FBXL3: variants seen among roughly 807,000 people sequenced by gnomAD.
The protein encoded by FBXL3 is F-box and leucine rich repeat protein 3, also known as F-box/LRR-repeat protein 3.
In FBXL3, 14 loss-of-function variants were observed where a neutral mutation model predicts 37.9. The ratio of observed to expected loss-of-function variants is 0.37; its 90% confidence interval spans 0.24 to 0.58. The LOEUF is 0.58. Among genes scored for constraint, FBXL3 ranks in the 20% least tolerant of loss-of-function variants. The pLI, the probability that FBXL3 is intolerant of heterozygous loss-of-function variation, is 0.74. For missense variants in FBXL3, 327 were observed against 511.1 expected, an observed-to-expected ratio of 0.64 and a Z score of 3.47; for synonymous variants, 194 against 180.1, an observed-to-expected ratio of 1.08 and a Z score of -0.62.
Position 77,018,688 on chromosome 13 carries a change from C to G in FBXL3, c.383G>C (p.Cys128Ser). ...DSSKESAEAA[C>S]DILSQLVNCS... ...ATTCACAAGTTGCGATAGTATATCA[C>G]AAGCTGCTTCAGCTGATTCCTTGCT... The change falls in exon 3 of 5, where the codon TGT becomes TCT. Residue 128 changes from cysteine to serine, a missense_variant. Physicochemically the swap from Cys to Ser is moderately radical, Grantham distance 112. Transcript: ENST00000355619. The G allele has an allele frequency of 6.3e-7, 1 of 1,593,370 alleles. No individual in the cohort carries two copies. Among genetic ancestry groups the G allele is most frequent in the Non-Finnish European group, 8.5e-7 (1 of 1,171,278 alleles).
In FBXL3 at chr13:77,006,877, C is replaced by T; in HGVS notation, c.*268G>A. 1 of 1,226,394 alleles carries T rather than the reference C, an allele frequency of 8.2e-7. No individual in the cohort carries two copies. The highest frequency in any genetic ancestry group is 1.0e-6 in the Non-Finnish European group (1 of 980,340). The allele number at this position is 1,226,394 out of a possible 1,614,324, so 76.0% of individuals were successfully genotyped here. A position where few individuals can be genotyped will look rare whatever the true frequency, so the allele number is the denominator to read the frequency against. On this transcript the variant is annotated 3_prime_UTR_variant, in exon 5 of 5. Transcript: ENST00000355619. ...GGTTTTGTTTCCTTTAGACTGTAAA[C>T]TGTTTAATACGTATAACTGGTTATT...
intron 4 of FBXL3, among the ~76,000 whole-genome samples, chr13:77,011,343 C>CTAAAAA (rs2034548388): frequency 1.1e-5 from 1 of 91,240 alleles, no homozygotes; most frequent in African/African-American, 9.7e-5. Flanking sequence ...GACTTTGTCT[C>CTAAAAA]CAAAAAAAAA....
intron 4 of FBXL3, 150 bp downstream of exon 4, chr13:77,015,259 C>T (rs1464390484): frequency 2.1e-6 from 1 of 474,642 alleles, no homozygotes; most frequent in East Asian, 3.5e-5. Flanking sequence ...CCCTACAGAA[C>T]TTATGCTATT....
intron 4 of FBXL3, among the ~76,000 whole-genome samples, chr13:77,008,090 G>C (rs1278771297): frequency 6.6e-6 from 1 of 152,122 alleles, no homozygotes; most frequent in African/African-American, 2.4e-5. Context: ...GTAATGCACA[G>C]ACAGTGCCAT....
intron 3 of FBXL3, chr13:77,018,318 C>A (rs905087899): frequency 2.0e-5 from 4 of 198,718 alleles, no homozygotes; most frequent in African/African-American, 9.4e-5. Flanking sequence ...CCCTTTTTTT[C>A]TAATATGCTT....
At position 77,006,094 on chromosome 13, in the gene FBXL3, T is replaced by TA. The variant is rs1228281001; in HGVS notation, c.*1050dup. On this transcript the variant is annotated 3_prime_UTR_variant, in exon 5 of 5. Coordinates refer to ENST00000355619, the MANE Select transcript of FBXL3 (RefSeq NM_012158.4). ...ATTATGAACTTAAATATGTCCTCTT[T>TA]AAAATTTGCTGTTTATGCTAGACTG... 9 of 152,704 alleles carry TA rather than the reference T, an allele frequency of 5.9e-5. No homozygotes were observed. In the East Asian group the frequency reaches 1.7e-3, roughly 29 times the overall value. The allele number at this position is 152,704 out of a possible 1,614,324, so 9.5% of individuals were successfully genotyped here. A position where few individuals can be genotyped will look rare whatever the true frequency, so the allele number is the denominator to read the frequency against.
Position 77,021,681 on chromosome 13 carries a change from T to A in FBXL3, c.180A>T (p.Ser60=). 3.7e-6 allele frequency: 6 copies of A among 1,614,112 alleles called. No homozygotes were observed. The highest frequency in any genetic ancestry group is 5.1e-6 in the Non-Finnish European group (6 of 1,180,008). ...CCTGGTTCCAGTTGCGGCAAACTTGTGAAGCATGAGCCCGGTCAAGAAGAG... is the reference window on the plus strand; with the variant it reads ...CCTGGTTCCAGTTGCGGCAAACTTGAGAAGCATGAGCCCGGTCAAGAAGAG... ...YLPLLDRAHA[S]QVCRNWNQVF... The change falls in exon 2 of 5, where the codon TCA becomes TCT. Residue 60 remains serine (S), a synonymous_variant. Transcript: ENST00000355619.
At chr13:77,009,869 A>G (rs1326222474) in intron 4 of FBXL3, 1 of 152,274 alleles carries the variant, frequency 6.6e-6, no homozygotes, top group African/African-American at 2.4e-5. Context: ...CCCATCAATG[A>G]TAGACTAAAG....
intron 3 of FBXL3, chr13:77,017,335 T>G (rs1345051131): frequency 6.6e-6 from 1 of 152,210 alleles, no homozygotes; most frequent in Non-Finnish European, 1.5e-5. Context: ...ACATACCATA[T>G]GAGTCAGTAT....
chr13:77,023,547 C>G (rs1291599935), intron 1 of FBXL3, among the ~76,000 whole-genome samples: 1 of 152,052 alleles, frequency 6.6e-6, no homozygotes, highest in Non-Finnish European at 1.5e-5. Flanking sequence ...AATGCATTAC[C>G]GTGTAATCGG....
chr13:77,024,622 T>C (rs778710374), intron 1 of FBXL3, among the ~76,000 whole-genome samples: 9 of 152,232 alleles, frequency 5.9e-5, no homozygotes, highest in Non-Finnish European at 1.2e-4. Flanking sequence ...TCTATTATAG[T>C]ACTGTTTTAA....
chr13:77,025,529 C>G (rs1244013148), intron 1 of FBXL3, among the ~76,000 whole-genome samples: 1 of 151,944 alleles, frequency 6.6e-6, no homozygotes, highest in Non-Finnish European at 1.5e-5. Flanking sequence ...TTGAGACCAG[C>G]CTGGGCAACA....
intron 3 of FBXL3, chr13:77,016,231 ATATGTG>A (rs1382572828): frequency 1.3e-5 from 2 of 152,204 alleles, no homozygotes; most frequent in African/African-American, 4.8e-5. Context: ...ATGTATGTAC[ATATGTG>A]TATATACACA....
chr13:77,018,568 G>A (rs1566230916), intron 3 of FBXL3, 32 bp downstream of exon 3: 2 of 1,526,834 alleles, frequency 1.3e-6, no homozygotes, highest in Non-Finnish European at 1.8e-6. Context: ...GAATTTCTCA[G>A]TAATAGATAA....
In FBXL3 at chr13:77,006,997, T is replaced by A; in HGVS notation, c.*148A>T. 1 of 1,416,016 alleles carries A rather than the reference T, an allele frequency of 7.1e-7. No homozygotes were observed. The highest frequency in any genetic ancestry group is 9.2e-7 in the Non-Finnish European group (1 of 1,089,490). 87.7% of individuals were successfully genotyped at this position (1,416,016 alleles called of 1,614,324 possible). On this transcript the variant is annotated 3_prime_UTR_variant, in exon 5 of 5. Transcript: ENST00000355619. ...TTTCTGACCAAAACTCATTCATGGG[T>A]CTTCCGATAAACAATCTTTACATAT... is the stretch of plus-strand genomic sequence containing the variant.
At chr13:77,019,591 G>T (rs960387180) in intron 2 of FBXL3, among the ~76,000 whole-genome samples, 1 of 151,992 alleles carries the variant, frequency 6.6e-6, no homozygotes, top group Non-Finnish European at 1.5e-5. Context: ...AACTTAAATG[G>T]GAACAAATGT....
Position 77,007,699 on chromosome 13 carries a change from A to C in FBXL3, c.733T>G (p.Ser245Ala). 1 of 1,614,172 alleles carries C rather than the reference A, an allele frequency of 6.2e-7. No individual in the cohort carries two copies. Among genetic ancestry groups the C allele is most frequent in the Non-Finnish European group, 8.5e-7 (1 of 1,180,040 alleles). ...TCTAATCGAACATGTTTTTCAGAAG[A>C]CAATGCAAGTAACAACTCATCACTC... is the stretch of plus-strand genomic sequence containing the variant. ...LLSDELLLAL[S>A]SEKHVRLEHL... The change falls in exon 5 of 5, where the codon TCT (serine) becomes GCT (alanine). Residue 245 changes from serine (S) to alanine (A), a missense_variant. Physicochemically the swap from Ser to Ala is moderately conservative, Grantham distance 99. Coordinates refer to ENST00000355619, the MANE Select transcript of FBXL3 (RefSeq NM_012158.4).
At chr13:77,026,296 T>TC (rs1166995082) in intron 1 of FBXL3, 35 of 985,344 alleles carry the variant, frequency 3.6e-5, no homozygotes, top group Non-Finnish European at 4.0e-5. Context: ...ACCAAGTTTT[T>TC]CGCCTGGCTA....
In FBXL3 at chr13:77,021,719, A is replaced by C; in HGVS notation, c.142T>G (p.Phe48Val). 1 of 1,614,038 alleles carries C rather than the reference A, an allele frequency of 6.2e-7. No homozygotes were observed. The highest frequency in any genetic ancestry group is 8.5e-7 in the Non-Finnish European group (1 of 1,180,024). The change falls in exon 2 of 5, where the codon TTT becomes GTT. Residue 48 changes from phenylalanine to valine, a missense_variant. Phe to Val is a conservative substitution (Grantham distance 50). Transcript: ENST00000355619. The part of the protein sequence containing the change: ...NLLQDIILQV[F>V]KYLPLLDRAH... ...CGGTCAAGAAGAGGCAAATATTTAAATACTTGGAGAATAATGTCCTGAAGG... is the reference window on the plus strand; with the variant it reads ...CGGTCAAGAAGAGGCAAATATTTAACTACTTGGAGAATAATGTCCTGAAGG...
Sources: gnomAD v4.1 joint callset for allele counts (sites outside exome capture counted in the v4.1 genomes callset) on GRCh38, gnomAD v4.1.1 for gene constraint, MANE v1.5 for transcripts, NCBI Gene and HGNC (gene_info 2026-07-23, HGNC 2026-07-21) for gene names.